Variants in KLHL28 observed in about 807,000 individuals in gnomAD.
KLHL28 encodes kelch like family member 28.
In KLHL28, 22 loss-of-function variants were observed where a neutral mutation model predicts 48.3. That is an observed-to-expected ratio of 0.46 (90% CI 0.33 to 0.65). The LOEUF (loss-of-function observed/expected upper bound fraction) is 0.65. Ranked by LOEUF, KLHL28 falls within the 30% of genes least tolerant of loss-of-function variation. The pLI, the probability that KLHL28 is intolerant of heterozygous loss-of-function variation, is 0.03. For synonymous variants in KLHL28, 243 were observed against 242.4 expected, an observed-to-expected ratio of 1.00 and a Z score of -0.02; for missense variants, 527 against 704.3, an observed-to-expected ratio of 0.75 and a Z score of 2.85.
Position 44,934,163 on chromosome 14 carries a change from T to C in KLHL28, c.1295A>G (p.Asp432Gly), listed in dbSNP as rs759421503. 6.2e-7 allele frequency: 1 copy of C among 1,614,138 alleles called. No individual in the cohort carries two copies. Among genetic ancestry groups the C allele is most frequent in the African/African-American group, 1.3e-5 (1 of 75,050 alleles). ...CCCACCAATGGCATATATCATTCCATCCAATACCGCTGCAGCAAAACAACT... is the reference window on the plus strand; with the variant it reads ...CCCACCAATGGCATATATCATTCCACCCAATACCGCTGCAGCAAAACAACT... ...TRSCFAAAVLDGMIYAIGGYG... is the reference protein window; with the variant it reads ...TRSCFAAAVLGGMIYAIGGYG... The change falls in exon 3 of 5, where the codon GAT (aspartate) becomes GGT (glycine). Residue 432 changes from aspartate (D) to glycine (G), a missense_variant. Physicochemically the swap from Asp to Gly is moderately conservative, Grantham distance 94 (BLOSUM62 -1). Transcript: ENST00000396128.
chr14:44,958,562 G>T (rs1008473872), intron 1 of KLHL28, among the ~76,000 whole-genome samples: 1 of 152,040 alleles, frequency 6.6e-6, no homozygotes, highest in African/African-American at 2.4e-5. Context: ...TTCTATCAGT[G>T]AGCCTATGGA....
chr14:44,953,074 G>C (rs1338847281), intron 1 of KLHL28, among the ~76,000 whole-genome samples: 1 of 152,046 alleles, frequency 6.6e-6, no homozygotes, highest in Non-Finnish European at 1.5e-5. Flanking sequence ...AATTTGTTGT[G>C]GATTAACAGG....
chr14:44,957,338 T>C lies in KLHL28; in HGVS notation c.-1+4508A>G, dbSNP rs573286055. Among the ~76,000 whole-genome samples, 81 of 152,288 alleles carry C rather than the reference T, an allele frequency of 5.3e-4. 1 individual carries two copies. The highest frequency in any genetic ancestry group is 1.8e-3 in the African/African-American group (73 of 41,550). Reference sequence around the variant, plus strand: ...CTTTTTTCTTAAAAAACAGAAAATATAAGGCACAAAATTTTGAATAAGACA... The same window carrying C: ...CTTTTTTCTTAAAAAACAGAAAATACAAGGCACAAAATTTTGAATAAGACA... On this transcript the variant is annotated intron_variant, in intron 1 of 4. Coordinates refer to ENST00000396128, the MANE Select transcript of KLHL28 (RefSeq NM_017658.5).
At chr14:44,951,068 C>A (rs1007056927) in intron 1 of KLHL28, among the ~76,000 whole-genome samples, 13 of 152,168 alleles carry the variant, frequency 8.5e-5, no homozygotes, top group Admixed American at 3.9e-4. Context: ...GATCCTTGTC[C>A]CGCACATCAA....
chr14:44,957,563 T>A (rs914171407), intron 1 of KLHL28, among the ~76,000 whole-genome samples: 11 of 152,206 alleles, frequency 7.2e-5, no homozygotes, highest in African/African-American at 2.7e-4. Flanking sequence ...TCACTTCTCA[T>A]AAAATGAAAT....
chr14:44,937,269 C>T (rs543462349), intron 2 of KLHL28, among the ~76,000 whole-genome samples: 1 of 152,060 alleles, frequency 6.6e-6, no homozygotes, highest in African/African-American at 2.4e-5. Flanking sequence ...CCTCAGCCTC[C>T]TGAGTAGCTG....
intron 1 of KLHL28, among the ~76,000 whole-genome samples, chr14:44,951,030 GA>G (rs987089996): frequency 1.3e-5 from 2 of 152,208 alleles, no homozygotes; most frequent in African/African-American, 4.8e-5. Context: ...AGATTGAAAA[GA>G]AGATTAGCCA....
At chr14:44,930,134 G>A (rs564908013) in intron 4 of KLHL28, among the ~76,000 whole-genome samples, 2 of 152,118 alleles carry the variant, frequency 1.3e-5, no homozygotes, top group East Asian at 3.9e-4. Flanking sequence ...CCCTCTCAAG[G>A]ATACAAAAGA....
chr14:44,950,389 G>C (rs1343213788), intron 1 of KLHL28, among the ~76,000 whole-genome samples: 5 of 152,122 alleles, frequency 3.3e-5, no homozygotes, highest in Admixed American at 2.0e-4. Flanking sequence ...GTATTGACTA[G>C]ATTCATTTTT....
At chr14:44,933,345 CTG>C (rs1295051418) in intron 3 of KLHL28, among the ~76,000 whole-genome samples, 2 of 147,338 alleles carry the variant, frequency 1.4e-5, no homozygotes, top group African/African-American at 5.1e-5. Flanking sequence ...GGGTCTCACT[CTG>C]TTGCTCAGGC....
chr14:44,951,389 C>A (rs186665778), intron 1 of KLHL28, among the ~76,000 whole-genome samples: 1 of 152,224 alleles, frequency 6.6e-6, no homozygotes, highest in Non-Finnish European at 1.5e-5. Flanking sequence ...TACATGGATA[C>A]ATGCAAGGTG....
chr14:44,946,433 G>A (rs917581530), intron 1 of KLHL28, among the ~76,000 whole-genome samples: 1 of 151,694 alleles, frequency 6.6e-6, no homozygotes, highest in African/African-American at 2.4e-5. Context: ...AGAGGGTGCT[G>A]AATTTAATGA....
At position 44,945,861 on chromosome 14, in the gene KLHL28, T is replaced by C; in HGVS notation, c.68A>G (p.Gln23Arg). Residue 23 changes from glutamine (Q) to arginine (R), a missense_variant, in exon 2 of 5, where the codon CAG becomes CGG. Transcript: ENST00000396128. ...ATGTTGGCGAAGAAGATTCAAGCCCTGCAGAAGTTGTTCAGAATGCAAGTG... is the reference window on the plus strand; with the variant it reads ...ATGTTGGCGAAGAAGATTCAAGCCCCGCAGAAGTTGTTCAGAATGCAAGTG... The part of the protein sequence containing the change: ...LTHLHSEQLL[Q>R]GLNLLRQHHE... 6.2e-7 allele frequency: 1 copy of C among 1,614,168 alleles called. No individual in the cohort carries two copies. Among genetic ancestry groups the C allele is most frequent in the Non-Finnish European group, 8.5e-7 (1 of 1,180,000 alleles).
chr14:44,951,092 A>G (rs1884559533), intron 1 of KLHL28, among the ~76,000 whole-genome samples: 1 of 152,256 alleles, frequency 6.6e-6, no homozygotes, highest in Non-Finnish European at 1.5e-5. Flanking sequence ...TGGTAACACA[A>G]AAAAGGGGCT....
chr14:44,946,399 C>T (rs1884337153), intron 1 of KLHL28, among the ~76,000 whole-genome samples: 1 of 152,024 alleles, frequency 6.6e-6, no homozygotes, highest in African/African-American at 2.4e-5. Flanking sequence ...ATACTTTACC[C>T]AAAATTTCAA....
At chr14:44,931,873 T>C (rs141066196) in intron 3 of KLHL28, among the ~76,000 whole-genome samples, 1 of 152,112 alleles carries the variant, frequency 6.6e-6, no homozygotes, top group Non-Finnish European at 1.5e-5. Context: ...TGCTGTGGAT[T>C]TGTGTAATCC....
Position 44,928,120 on chromosome 14 carries a change from C to T in KLHL28, c.*908G>A, listed in dbSNP as rs1175744481. The T allele has an allele frequency of 1.3e-5, 2 of 152,504 alleles. No homozygotes were observed. The highest frequency in any genetic ancestry group is 4.8e-5 in the African/African-American group (2 of 41,422). 9.4% of individuals were successfully genotyped at this position (152,504 alleles called of 1,614,324 possible). A position where few individuals can be genotyped will look rare whatever the true frequency, so the allele number is the denominator to read the frequency against. On this transcript the variant is annotated 3_prime_UTR_variant, in exon 5 of 5. Coordinates refer to ENST00000396128, the MANE Select transcript of KLHL28 (RefSeq NM_017658.5). ...CAGTTAGCACCATTTTATATCTGAA[C>T]ACTTTGAAAAAGCAAAGATCTTAAA...
intron 1 of KLHL28, among the ~76,000 whole-genome samples, chr14:44,955,659 G>A (rs10142928): frequency 0.046 from 7,077 of 152,228 alleles, 536 homozygotes; most frequent in African/African-American, 0.16. Flanking sequence ...GGTGGCACAT[G>A]CCTGTAGTCT....
At position 44,948,290 on chromosome 14, in the gene KLHL28, T is replaced by C. The variant is rs565327771; in HGVS notation, c.1-2362A>G. On this transcript the variant is annotated intron_variant, in intron 1 of 4. Coordinates refer to ENST00000396128, the MANE Select transcript of KLHL28 (RefSeq NM_017658.5). ...GGTTTTTGAGGATCAAATCAGACAATGTACATAAAAACATGATAAACTGTA... is the reference window on the plus strand; with the variant it reads ...GGTTTTTGAGGATCAAATCAGACAACGTACATAAAAACATGATAAACTGTA... 3.0e-4 allele frequency among the ~76,000 whole-genome samples: 45 copies of C among 152,214 alleles called. 1 individual carries two copies. In the East Asian group the frequency reaches 6.4e-3, roughly 22 times the overall value.
Sources: allele counts gnomAD v4.1 joint callset (sites outside exome capture counted in the v4.1 genomes callset), GRCh38; gene constraint gnomAD v4.1.1; transcripts MANE v1.5; gene names NCBI Gene and HGNC (gene_info 2026-07-23, HGNC 2026-07-21).